The following CERCAM variants were observed in gnomAD, a reference collection of about 807,000 sequenced individuals.
CERCAM encodes inactive glycosyltransferase 25 family member 3.
CERCAM carries 59 observed loss-of-function variants against 66.0 expected under a neutral mutation model. The observed-to-expected ratio is 0.89, with a 90% CI of 0.73 to 1.11. The LOEUF (loss-of-function observed/expected upper bound fraction) is 1.11, where lower values mean the gene tolerates loss of function less well. CERCAM is among the 50% of genes most tolerant of loss of function. CERCAM has a pLI of 0.00. For missense variants in CERCAM, 840 were observed against 828.3 expected (o/e 1.01, Z -0.17); for synonymous variants, 318 against 343.6 (o/e 0.93, Z 0.83).
intron 5 of CERCAM, 54 bp downstream of exon 5, chr9:128,424,668 T>C: frequency 6.6e-7 from 1 of 1,525,572 alleles, no homozygotes; most frequent in South Asian, 1.1e-5. Flanking sequence ...CATTTGCACA[T>C]GCTATTCCAG....
At chr9:128,431,088 C>A (rs1833963113) in intron 8 of CERCAM, 83 bp from the exon 9 acceptor site, 2 of 1,502,260 alleles carry the variant, frequency 1.3e-6, no homozygotes, top group South Asian at 2.5e-5. Flanking sequence ...TCCAGTGTGA[C>A]TGTCCCCAAC....
upstream of CERCAM, chr9:128,420,824 C>A: frequency 1.1e-6 from 1 of 917,114 alleles, no homozygotes; most frequent in South Asian, 5.2e-5. This position sits in a 1 kb window ranked among gnomAD's most constrained non-coding sequence, Gnocchi z 5.0. Flanking sequence ...CCGCCCCCTC[C>A]CCTCGGCCGG....
intron 1 of CERCAM, chr9:128,421,293 A>C: frequency 8.1e-7 from 1 of 1,228,012 alleles, no homozygotes; most frequent in Non-Finnish European, 1.0e-6. Context: ...GACGCGGGAC[A>C]CCCACCCCTC....
intron 6 of CERCAM, 38 bp from the exon 7 acceptor site, chr9:128,428,719 A>G: frequency 1.9e-6 from 3 of 1,607,714 alleles, no homozygotes; most frequent in Non-Finnish European, 2.6e-6. Context: ...AACAGGAGTC[A>G]GTAGGGACTC....
chr9:128,424,484 G>A lies in CERCAM; in HGVS notation c.636G>A (p.Met212Ile). 1 of 1,613,902 alleles carries A rather than the reference G, an allele frequency of 6.2e-7. No individual in the cohort carries two copies. The highest frequency in any genetic ancestry group is 1.7e-4 in the Middle Eastern group (1 of 6,060). ...GCCGGGGCTGCTTCCGTGTCCCCAT[G>A]GTCCACTCCACCTTCCTTGCATCCC... Reference protein sequence around the residue: ...RQRRGCFRVPMVHSTFLASLR... With the variant: ...RQRRGCFRVPIVHSTFLASLR... The change falls in exon 5 of 13, where the codon ATG (methionine) becomes ATA (isoleucine). Residue 212 changes from methionine to isoleucine, a missense_variant. By Grantham distance (10) the Met-to-Ile change is conservative. Transcript: ENST00000372838.
chr9:128,424,324 G>C (rs369748572), intron 4 of CERCAM, 52 bp downstream of exon 4: 30 of 1,612,068 alleles, frequency 1.9e-5, no homozygotes, highest in Non-Finnish European at 1.1e-5. Context: ...AAGGAGGGAC[G>C]TGGAGAGCAG....
chr9:128,428,480 TG>T, intron 6 of CERCAM, 59 bp downstream of exon 6: 1 of 1,598,412 alleles, frequency 6.3e-7, no homozygotes, highest in Non-Finnish European at 8.5e-7. Context: ...CTCCCCACGG[TG>T]CCCCTTTCCC....
upstream of CERCAM, chr9:128,419,588 T>TA (rs1833662849): frequency 1.3e-5 from 2 of 152,352 alleles, no homozygotes; most frequent in South Asian, 4.1e-4. Context: ...AGCCCGATTT[T>TA]ACCCGAGAGG....
chr9:128,427,173 C>T (rs887279292), intron 5 of CERCAM, among the ~76,000 whole-genome samples: 3 of 151,938 alleles, frequency 2.0e-5, no homozygotes, highest in African/African-American at 7.3e-5. Context: ...AGTGCAGTGG[C>T]GCGATTTTGG....
intron 9 of CERCAM, 165 bp downstream of exon 9, chr9:128,431,468 G>A (rs888894080): frequency 5.5e-5 from 44 of 801,464 alleles, no homozygotes; most frequent in South Asian, 2.2e-4. Flanking sequence ...ACCACTAAGC[G>A]GTGCTTGTTT....
rs144678421 is a variant in CERCAM at position 128,422,941 on chromosome 9, T to C, written c.271T>C (p.Tyr91His). The change falls in exon 2 of 13, where the codon TAT (tyrosine) becomes CAT (histidine). Residue 91 changes from tyrosine (Y) to histidine (H), a missense_variant. Coordinates refer to ENST00000372838, the MANE Select transcript of CERCAM (RefSeq NM_016174.5). ...GTGGCTGGCGGCTGTGGGCGATGAC[T>C]ATGCTGCTGTGGTCTGGAGGCCTGA... Reference protein sequence around the residue: ...QEWLAAVGDDYAAVVWRPEGE... With the variant: ...QEWLAAVGDDHAAVVWRPEGE... 13 of 1,613,744 alleles carry C rather than the reference T, an allele frequency of 8.1e-6. No individual in the cohort carries two copies. The South Asian group carries it at 9.9e-5, about 12-fold the overall frequency.
At chr9:128,432,499 C>T (rs1833999427) in intron 9 of CERCAM, among the ~76,000 whole-genome samples, 1 of 151,616 alleles carries the variant, frequency 6.6e-6, no homozygotes, top group African/African-American at 2.4e-5. Context: ...ATTATCCCAC[C>T]TCAGCACCCC....
intron 8 of CERCAM, among the ~76,000 whole-genome samples, chr9:128,430,411 A>C (rs563340204): frequency 6.8e-6 from 1 of 147,658 alleles, no homozygotes; most frequent in Non-Finnish European, 1.5e-5. Context: ...CTCAAAAAAA[A>C]TTTTTTTTTT....
At chr9:128,427,206 G>A (rs990480000) in intron 5 of CERCAM, among the ~76,000 whole-genome samples, 1 of 151,808 alleles carries the variant, frequency 6.6e-6, no homozygotes, top group African/African-American at 2.4e-5. Flanking sequence ...TCTGCCTCCC[G>A]GGTTCAAGTG....
chr9:128,430,853 TA>T (rs377147792), intron 8 of CERCAM: 4,048 of 144,350 alleles, frequency 0.028, 25 homozygotes, highest in South Asian at 0.078. Context: ...CCATCTCTAC[TA>T]AAAAAAAAAA....
intron 9 of CERCAM, among the ~76,000 whole-genome samples, chr9:128,433,148 C>T (rs1231648802): frequency 1.3e-5 from 2 of 151,728 alleles, no homozygotes; most frequent in South Asian, 2.1e-4. Context: ...GGCGTGGTGG[C>T]GGCGCCTGTA....
intron 8 of CERCAM, among the ~76,000 whole-genome samples, 171 bp downstream of exon 8, chr9:128,429,207 G>A (rs777204033): frequency 4.6e-5 from 7 of 152,274 alleles, no homozygotes; most frequent in Non-Finnish European, 1.0e-4. Flanking sequence ...GCAGACACAC[G>A]TGGGAGAAGA....
chr9:128,420,833 G>C (rs1033409584), upstream of CERCAM: 15 of 1,022,620 alleles, frequency 1.5e-5, no homozygotes, highest in East Asian at 1.5e-4. This position sits in a 1 kb window ranked among gnomAD's most constrained non-coding sequence, Gnocchi z 5.0. Flanking sequence ...CCCCTCGGCC[G>C]GCCCGAGAGC....
In CERCAM at chr9:128,429,528, G is replaced by T. The variant is rs78225666; in HGVS notation, c.1070+492G>T. 2.6e-5 allele frequency among the ~76,000 whole-genome samples: 4 copies of T among 152,178 alleles called. No individual in the cohort carries two copies. In the South Asian group the frequency reaches 8.3e-4, roughly 32 times the overall value. On this transcript the variant is annotated intron_variant, in intron 8 of 12. Transcript: ENST00000372838. ...CCATGTTCCCCCGAGGAACCCAGAGGCTAGGCTTCTCCAGCCACCAGGGGT... is the reference window on the plus strand; with the variant it reads ...CCATGTTCCCCCGAGGAACCCAGAGTCTAGGCTTCTCCAGCCACCAGGGGT...
Sources: allele counts gnomAD v4.1 joint callset (sites outside exome capture counted in the v4.1 genomes callset), GRCh38; gene constraint gnomAD v4.1.1; non-coding constraint Gnocchi (gnomAD v3.1); transcripts MANE v1.5; gene names NCBI Gene and HGNC (gene_info 2026-07-23, HGNC 2026-07-21).